The following UBE2D2 variants were observed in gnomAD, a reference collection of about 807,000 sequenced individuals.
UBE2D2 encodes ubiquitin-conjugating enzyme E2 D2.
A neutral mutation model predicts 24.2 loss-of-function variants in UBE2D2; 2 were observed. The observed-to-expected ratio is 0.08, with a 90% CI of 0.03 to 0.26. The LOEUF (loss-of-function observed/expected upper bound fraction) is 0.26, where lower values mean the gene tolerates loss of function less well. UBE2D2 is among the 10% of genes least tolerant of loss of function. The pLI, the probability that UBE2D2 is intolerant of heterozygous loss-of-function variation, is 1.00. For missense variants in UBE2D2, 44 were observed against 177.6 expected (o/e 0.25, Z 4.28); for synonymous variants, 58 against 56.5 (o/e 1.03, Z -0.12).
Position 139,623,359 on chromosome 5 carries a change from TC to T in UBE2D2, c.305-8del, listed in dbSNP as rs1754552455. The T allele has an allele frequency of 1.9e-6, 3 of 1,562,282 alleles. No individual in the cohort carries two copies. On this transcript the variant is annotated splice_region_variant and splice_polypyrimidine_tract_variant and intron_variant, in intron 5 of 6. Transcript: ENST00000398733. The stretch of plus-strand genomic sequence containing the variant: ...CCTCTGCTAATTTATATGATTTTTT[TC>T]ATTCTAGTACTCTTGTCCATCTGTT...
At chr5:139,579,018 A>T (rs1350489544) in intron 1 of UBE2D2, among the ~76,000 whole-genome samples, 1 of 152,134 alleles carries the variant, frequency 6.6e-6, no homozygotes, top group Non-Finnish European at 1.5e-5. Context: ...CCCAGGCTGG[A>T]GTGTAGTGGC....
intron 1 of UBE2D2, among the ~76,000 whole-genome samples, chr5:139,548,198 A>AAAT (rs1752864385): frequency 3.9e-5 from 2 of 51,300 alleles, no homozygotes; most frequent in Admixed American, 3.3e-4. Flanking sequence ...AAAAAAAAAT[A>AAAT]AATAAATAAA....
intron 1 of UBE2D2, among the ~76,000 whole-genome samples, chr5:139,577,291 G>C (rs559545077): frequency 5.5e-4 from 84 of 151,960 alleles, no homozygotes; most frequent in African/African-American, 1.9e-3. Context: ...CAAAACATCA[G>C]AGTACTGAAA....
intron 1 of UBE2D2, among the ~76,000 whole-genome samples, chr5:139,532,182 T>TC (rs1411617294): frequency 6.6e-6 from 1 of 150,592 alleles, no homozygotes; most frequent in East Asian, 2.0e-4. Flanking sequence ...ACTTTTTTTT[T>TC]TTTTTTGGGG....
chr5:139,611,534 G>A (rs967224739), intron 2 of UBE2D2, among the ~76,000 whole-genome samples: 5 of 152,162 alleles, frequency 3.3e-5, no homozygotes, highest in South Asian at 2.1e-4. Flanking sequence ...TTAGTGTGTA[G>A]ACTGAAATAA....
At chr5:139,542,657 T>A (rs1294170900) in intron 1 of UBE2D2, among the ~76,000 whole-genome samples, 1 of 152,068 alleles carries the variant, frequency 6.6e-6, no homozygotes, top group Non-Finnish European at 1.5e-5. Flanking sequence ...AAGTTCTTTA[T>A]AGAACACTCA....
chr5:139,561,522 G>A lies in UBE2D2; in HGVS notation c.-270G>A. ...TAGGAGGCGGCGCTGATCCTGGGAG[G>A]AAGAGGCAGCTACGGCGGCGGCGGC... is the stretch of plus-strand genomic sequence containing the variant. On this transcript the variant is annotated 5_prime_UTR_variant, in exon 1 of 7. Coordinates refer to ENST00000398733, the MANE Select transcript of UBE2D2 (RefSeq NM_003339.3). 4.8e-6 allele frequency: 2 copies of A among 414,600 alleles called. No individual in the cohort carries two copies. The highest frequency in any genetic ancestry group is 8.5e-6 in the Non-Finnish European group (2 of 234,632). 25.7% of individuals were successfully genotyped at this position (414,600 alleles called of 1,614,324 possible). A position where few individuals can be genotyped will look rare whatever the true frequency, so the allele number is the denominator to read the frequency against.
rs1303660790 is a variant in UBE2D2 at position 139,545,671 on chromosome 5, G to A, written c.-64+19059G>A. Among the ~76,000 whole-genome samples the A allele has an allele frequency of 5.4e-5, 8 of 147,668 alleles. No individual in the cohort carries two copies. In the East Asian group the frequency reaches 8.2e-4, roughly 15 times the overall value. ...GAACTCCTGACCTCCTGATCCACTC[G>A]CCTCGACCTCCCAAAGGTCTGGGAT... is the stretch of plus-strand genomic sequence containing the variant. On this transcript the variant is annotated intron_variant, in intron 1 of 6. Coordinates refer to the UBE2D2 transcript ENST00000511725.
chr5:139,622,382 C>T (rs1231840089), intron 5 of UBE2D2, among the ~76,000 whole-genome samples: 1 of 151,058 alleles, frequency 6.6e-6, no homozygotes, highest in Non-Finnish European at 1.5e-5. Flanking sequence ...GTAGCTGGGA[C>T]TACAGGCACA....
At chr5:139,544,867 C>T (rs1581482788) in intron 1 of UBE2D2, among the ~76,000 whole-genome samples, 1 of 151,900 alleles carries the variant, frequency 6.6e-6, no homozygotes, top group Non-Finnish European at 1.5e-5. Flanking sequence ...ACCTCTGCCT[C>T]CCAGGTTCAA....
chr5:139,542,761 T>C (rs1260140457), intron 1 of UBE2D2, among the ~76,000 whole-genome samples: 1 of 152,208 alleles, frequency 6.6e-6, no homozygotes, highest in East Asian at 1.9e-4. Context: ...AATATCCATA[T>C]AATTCAGACT....
intron 1 of UBE2D2, among the ~76,000 whole-genome samples, chr5:139,550,840 A>C (rs555203010): frequency 6.6e-6 from 1 of 152,296 alleles, no homozygotes; most frequent in African/African-American, 2.4e-5. Flanking sequence ...ACACGTCTGA[A>C]CATCAGAAAG....
chr5:139,552,978 G>A (rs1000592389), intron 1 of UBE2D2, among the ~76,000 whole-genome samples: 14 of 151,816 alleles, frequency 9.2e-5, no homozygotes, highest in African/African-American at 2.2e-4. Context: ...CACCGCACCC[G>A]GCCTCTAATT....
chr5:139,554,814 G>A (rs902473353), intron 1 of UBE2D2: 1 of 151,954 alleles, frequency 6.6e-6, no homozygotes, highest in Non-Finnish European at 1.5e-5. Flanking sequence ...TCCAATTGCT[G>A]TACATCCTTG....
upstream of UBE2D2, among the ~76,000 whole-genome samples, chr5:139,557,637 A>G (rs1753000035): frequency 6.6e-6 from 1 of 151,824 alleles, no homozygotes; most frequent in Non-Finnish European, 1.5e-5. Flanking sequence ...TATCCCAGCT[A>G]CTTGGGAGGC....
chr5:139,599,985 A>C (rs1754039229), intron 1 of UBE2D2, among the ~76,000 whole-genome samples: 3 of 151,852 alleles, frequency 2.0e-5, no homozygotes, highest in Non-Finnish European at 4.4e-5. Flanking sequence ...TTCTATCTTC[A>C]GTAGAGACAG....
At chr5:139,538,235 C>G (rs1442055587) in intron 1 of UBE2D2, among the ~76,000 whole-genome samples, 2 of 152,020 alleles carry the variant, frequency 1.3e-5, no homozygotes, top group African/African-American at 4.8e-5. Context: ...CAGCCTGCCT[C>G]AGCCTCCCAA....
At position 139,526,984 on chromosome 5, in the gene UBE2D2, G is replaced by A. The variant is rs984704075; in HGVS notation, c.-64+372G>A. Reference sequence around the variant, plus strand: ...TTGTCTTGTGGTGAGTATGTGTGGTGTGAGCATGGTATTTTGTCTCGGAAG... The same window carrying A: ...TTGTCTTGTGGTGAGTATGTGTGGTATGAGCATGGTATTTTGTCTCGGAAG... On this transcript the variant is annotated intron_variant, in intron 1 of 6. Coordinates refer to the UBE2D2 transcript ENST00000511725. 3.9e-5 allele frequency among the ~76,000 whole-genome samples: 6 copies of A among 152,142 alleles called. 1 individual carries two copies. Among genetic ancestry groups the A allele is most frequent in the Non-Finnish European group, 2.9e-5 (2 of 68,040 alleles).
chr5:139,562,110 C>T, intron 1 of UBE2D2: 2 of 1,037,716 alleles, frequency 1.9e-6, no homozygotes, highest in African/African-American at 3.2e-5. Context: ...TGCCGCTGCA[C>T]TTGAGGGCCA....
Sources: allele counts gnomAD v4.1 joint callset (sites outside exome capture counted in the v4.1 genomes callset), GRCh38; gene constraint gnomAD v4.1.1; transcripts MANE v1.5; gene names NCBI Gene and HGNC (gene_info 2026-07-23, HGNC 2026-07-21).